The following DCDC2C variants were observed in gnomAD, a reference collection of about 807,000 sequenced individuals.
The protein encoded by DCDC2C is doublecortin domain containing 2C, also known as doublecortin domain-containing protein 2C.
In DCDC2C, 44 loss-of-function variants were observed where a neutral mutation model predicts 45.0. The observed-to-expected ratio is 0.98, with a 90% confidence interval of 0.77 to 1.26. DCDC2C has a LOEUF of 1.26. DCDC2C is among the 50% of genes most tolerant of loss of function. The pLI is 0.00. For synonymous variants in DCDC2C, 187 were observed against 178.8 expected, an observed-to-expected ratio of 1.05 and a Z score of -0.37; for missense variants, 447 against 468.9, an observed-to-expected ratio of 0.95 and a Z score of 0.43.
rs536413616 is a variant in DCDC2C, at chr2:3,828,651, T to C, written c.1066-18503T>C. On this transcript the variant is annotated intron_variant, in intron 10 of 10. Coordinates refer to ENST00000399143, the MANE Select transcript of DCDC2C (RefSeq NM_001287444.2). ...TATTTGGGAGGAGGGAATGAGCCCA[T>C]TTCACACTTCACTTAAAACATGTTG... 1.6e-4 allele frequency among the ~76,000 whole-genome samples: 25 copies of C among 152,292 alleles called. 1 individual carries two copies. The South Asian group carries it at 3.3e-3, about 20-fold the overall frequency.
chr2:3,744,717 A>G (rs1215598232), intron 4 of DCDC2C, among the ~76,000 whole-genome samples: 1 of 152,196 alleles, frequency 6.6e-6, no homozygotes, highest in Non-Finnish European at 1.5e-5. Context: ...TGTGATACCA[A>G]CGATGAAAAC....
intron 10 of DCDC2C, among the ~76,000 whole-genome samples, chr2:3,821,813 C>G (rs1462617069): frequency 1.3e-5 from 2 of 152,170 alleles, no homozygotes; most frequent in Non-Finnish European, 2.9e-5. Context: ...AATCAAATCT[C>G]CTTTATTTTT....
chr2:3,757,958 C>G (rs901163734), intron 6 of DCDC2C, among the ~76,000 whole-genome samples: 1 of 152,126 alleles, frequency 6.6e-6, no homozygotes, highest in East Asian at 1.9e-4. Flanking sequence ...AGAGTGGGCA[C>G]GTAGGGGTCA....
chr2:3,758,020 A>G (rs1245609636), intron 6 of DCDC2C, among the ~76,000 whole-genome samples: 1 of 152,208 alleles, frequency 6.6e-6, no homozygotes. Flanking sequence ...ATCCAGATTT[A>G]AGCAAGGGAG....
intron 2 of DCDC2C, among the ~76,000 whole-genome samples, chr2:3,723,949 TTC>T (rs1668564050): frequency 6.6e-6 from 1 of 151,918 alleles, no homozygotes; most frequent in South Asian, 2.1e-4. Context: ...CCCTTCCCCC[TTC>T]TCTGTCTCTC....
intron 10 of DCDC2C, among the ~76,000 whole-genome samples, chr2:3,814,451 G>T (rs1487742837): frequency 1.3e-5 from 2 of 152,094 alleles, no homozygotes; most frequent in African/African-American, 4.8e-5. Context: ...TAGCTTCTTT[G>T]CATTGGGTTA....
In DCDC2C at chr2:3,736,017, TC is replaced by T. The variant is rs1167604579; in HGVS notation, c.417-5900del. ...TATTTCTATCTTATAGGGTTCTGCA[TC>T]CCAAATACATCTAATATCCATGGAG... On this transcript the variant is annotated intron_variant, in intron 3 of 10. Transcript: ENST00000399143. Among the ~76,000 whole-genome samples the T allele has an allele frequency of 3.3e-5, 5 of 152,194 alleles. No homozygotes were observed. The East Asian group carries it at 9.6e-4, about 29-fold the overall frequency.
chr2:3,783,737 G>A lies in DCDC2C; in HGVS notation c.1024-1322G>A, dbSNP rs550011419. Among the ~76,000 whole-genome samples the A allele has an allele frequency of 3.9e-5, 6 of 152,358 alleles. No individual in the cohort carries two copies. The South Asian group carries it at 6.2e-4, about 16-fold the overall frequency. ...GCAAGGCCTCTGGCCTGAGGCCGGA[G>A]TGTGGCCAAGCAGGAGCTGAGCGTG... On this transcript the variant is annotated intron_variant, in intron 9 of 10. Transcript: ENST00000399143.
At chr2:3,815,320 C>T (rs1671528828) in intron 10 of DCDC2C, among the ~76,000 whole-genome samples, 1 of 151,984 alleles carries the variant, frequency 6.6e-6, no homozygotes, top group Non-Finnish European at 1.5e-5. Flanking sequence ...AGCCGCTGCA[C>T]TGCATTGTTC....
chr2:3,771,963 T>A (rs1250796848), intron 8 of DCDC2C, among the ~76,000 whole-genome samples: 1 of 152,238 alleles, frequency 6.6e-6, no homozygotes, highest in Non-Finnish European at 1.5e-5. Context: ...TCTTTAGTAA[T>A]CTGGAATACT....
At chr2:3,792,782 G>A (rs1456136668) in intron 10 of DCDC2C, among the ~76,000 whole-genome samples, 4 of 152,190 alleles carry the variant, frequency 2.6e-5, no homozygotes, top group African/African-American at 9.7e-5. Flanking sequence ...GGAGAAAAAT[G>A]TGTCTTCTCC....
chr2:3,703,587 TCCCCGTCCAGC>T lies in DCDC2C; in HGVS notation c.-156_-146del, dbSNP rs1169471406. Reference sequence around the variant, plus strand: ...CCGCCCGCCTGGCAGCCCCGTCCCGTCCCCGTCCAGCCCCCGTCCCGTCCCCGTCCCGTCCC... The same window carrying T: ...CCGCCCGCCTGGCAGCCCCGTCCCGTCCCCGTCCCGTCCCCGTCCCGTCCC... On this transcript the variant is annotated 5_prime_UTR_variant, in exon 1 of 11. Coordinates refer to ENST00000399143, the MANE Select transcript of DCDC2C (RefSeq NM_001287444.2). The surrounding 1 kb of genome is among the most constrained non-coding windows in gnomAD (Gnocchi z 4.4). 9 of 644,644 alleles carry T rather than the reference TCCCCGTCCAGC, an allele frequency of 1.4e-5. No individual in the cohort carries two copies. The highest frequency in any genetic ancestry group is 1.1e-4 in the African/African-American group (4 of 37,664). 39.9% of individuals were successfully genotyped at this position (644,644 alleles called of 1,614,324 possible).
chr2:3,722,050 C>T (rs1340299843), intron 2 of DCDC2C, among the ~76,000 whole-genome samples: 1 of 152,216 alleles, frequency 6.6e-6, no homozygotes, highest in Non-Finnish European at 1.5e-5. Flanking sequence ...AAGCACTTGA[C>T]AATGTGTTAT....
At chr2:3,762,632 G>A (rs558887437) in intron 6 of DCDC2C, among the ~76,000 whole-genome samples, 1 of 152,182 alleles carries the variant, frequency 6.6e-6, no homozygotes, top group Admixed American at 6.5e-5. Context: ...ACCTGATCTC[G>A]TGAGAACTCA....
At chr2:3,760,512 G>A (rs1437657888) in intron 6 of DCDC2C, among the ~76,000 whole-genome samples, 2 of 152,206 alleles carry the variant, frequency 1.3e-5, no homozygotes, top group Non-Finnish European at 1.5e-5. Flanking sequence ...AAAAGAATGA[G>A]TTTATGTTCT....
chr2:3,725,965 C>T (rs115671542), intron 2 of DCDC2C: 5,680 of 157,600 alleles, frequency 0.036, 379 homozygotes, highest in African/African-American at 0.13. Context: ...CGATGGTGTC[C>T]GTGGGAGGTG....
At chr2:3,728,668 A>G (rs1450547746) in intron 3 of DCDC2C, among the ~76,000 whole-genome samples, 1 of 152,174 alleles carries the variant, frequency 6.6e-6, no homozygotes, top group African/African-American at 2.4e-5. Context: ...AGTCCTTCCT[A>G]CCACAAATAA....
chr2:3,731,209 C>T (rs928276950), intron 3 of DCDC2C, among the ~76,000 whole-genome samples: 31 of 152,298 alleles, frequency 2.0e-4, no homozygotes, highest in African/African-American at 7.0e-4. Context: ...ACCACCCTAC[C>T]AGGCTGGCTC....
chr2:3,770,044 C>T (rs1034509810), intron 8 of DCDC2C, among the ~76,000 whole-genome samples: 4 of 152,258 alleles, frequency 2.6e-5, no homozygotes, highest in African/African-American at 7.2e-5. Context: ...GGTTCCAGCC[C>T]AGCTGCGCAC....
Sources: allele counts gnomAD v4.1 joint callset (sites outside exome capture counted in the v4.1 genomes callset), GRCh38; gene constraint gnomAD v4.1.1; non-coding constraint Gnocchi (gnomAD v3.1); transcripts MANE v1.5; gene names NCBI Gene and HGNC (gene_info 2026-07-23, HGNC 2026-07-21).